ZFYVE9: variants seen among roughly 807,000 people sequenced by gnomAD.
ZFYVE9 encodes zinc finger FYVE domain-containing protein 9.
In ZFYVE9, 43 loss-of-function variants were observed where a neutral mutation model predicts 126.7. That is an observed-to-expected ratio of 0.34 (90% CI 0.27 to 0.44). The LOEUF is 0.44. Ranked by LOEUF, ZFYVE9 falls within the 20% of genes least tolerant of loss-of-function variation. ZFYVE9 has a pLI of 1.00. For missense variants in ZFYVE9, 1,476 were observed against 1,697.0 expected (o/e 0.87, Z 2.29); for synonymous variants, 521 against 597.4 (o/e 0.87, Z 1.87).
At chr1:52,319,073 G>C (rs572993076) in intron 13 of ZFYVE9, among the ~76,000 whole-genome samples, 1 of 152,204 alleles carries the variant, frequency 6.6e-6, no homozygotes, top group Non-Finnish European at 1.5e-5. Flanking sequence ...CTTCACTCTG[G>C]GTGACAGAGT....
chr1:52,154,366 A>G (rs946307892), intron 1 of ZFYVE9, among the ~76,000 whole-genome samples: 2 of 152,094 alleles, frequency 1.3e-5, no homozygotes, highest in African/African-American at 2.4e-5. Context: ...CATAGGTTGG[A>G]TGTTCAGAGT....
Position 52,240,992 on chromosome 1 carries a change from T to A in ZFYVE9, c.2178+1397T>A, listed in dbSNP as rs180844. 9.1e-3 allele frequency among the ~76,000 whole-genome samples: 1,383 copies of A among 152,288 alleles called. 19 individuals are homozygous for A. Among genetic ancestry groups the A allele is most frequent in the African/African-American group, 0.032 (1,318 of 41,558 alleles). On this transcript the variant is annotated intron_variant, in intron 4 of 18. Transcript: ENST00000287727. ...AGGATGAGTAAGTCTAGACGTCTAA[T>A]GTACTACATGAGGACTATGCATAAT...
At chr1:52,299,931 G>T (rs1646016745) in intron 12 of ZFYVE9, among the ~76,000 whole-genome samples, 1 of 152,222 alleles carries the variant, frequency 6.6e-6, no homozygotes, top group South Asian at 2.1e-4. Context: ...CTACAAACTG[G>T]ATTCAGGGTT....
intron 13 of ZFYVE9, among the ~76,000 whole-genome samples, chr1:52,308,160 T>C (rs1447146753): frequency 2.0e-5 from 3 of 152,206 alleles, no homozygotes; most frequent in African/African-American, 7.2e-5. Flanking sequence ...CACTTCATAG[T>C]TGAAAAAGTA....
intron 1 of ZFYVE9, among the ~76,000 whole-genome samples, chr1:52,173,029 C>G (rs1417213447): frequency 6.6e-6 from 1 of 151,102 alleles, no homozygotes; most frequent in Non-Finnish European, 1.5e-5. Flanking sequence ...CCAGAACTTC[C>G]AACACTATGT....
rs541425572 is a variant in ZFYVE9 at position 52,251,029 on chromosome 1, G to T, written c.2178+11434G>T. ...GCTTGGCCAGTTTTCAGTCGTTTTT[G>T]TTGTTGTTGTTGTTGTTGTTGTTGT... On this transcript the variant is annotated intron_variant, in intron 4 of 18. Coordinates refer to ENST00000287727, the MANE Select transcript of ZFYVE9 (RefSeq NM_004799.4). 9.9e-4 allele frequency among the ~76,000 whole-genome samples: 88 copies of T among 88,466 alleles called. 1 individual carries two copies. The highest frequency in any genetic ancestry group is 5.2e-3 in the Middle Eastern group (1 of 194). The allele number at this position is 88,466 out of a possible 152,430, so 58.0% of individuals were successfully genotyped here. A position where few individuals can be genotyped will look rare whatever the true frequency, so the allele number is the denominator to read the frequency against.
At chr1:52,342,319 G>A (rs1361820946) in intron 17 of ZFYVE9, among the ~76,000 whole-genome samples, 3 of 138,894 alleles carry the variant, frequency 2.2e-5, no homozygotes, top group African/African-American at 5.3e-5. Context: ...AGACGGCAGT[G>A]CAGTGGCGCA....
chr1:52,336,409 G>A (rs1344113744), intron 15 of ZFYVE9, among the ~76,000 whole-genome samples: 1 of 139,506 alleles, frequency 7.2e-6, no homozygotes, highest in Non-Finnish European at 1.5e-5. Flanking sequence ...TTGTAGCCCA[G>A]GCTGGAGTAC....
chr1:52,143,165 C>T (rs943586869), intron 1 of ZFYVE9, among the ~76,000 whole-genome samples: 3 of 152,152 alleles, frequency 2.0e-5, no homozygotes, highest in African/African-American at 7.2e-5. Flanking sequence ...TATTTTTATG[C>T]TTCAGTGTTC....
chr1:52,199,977 C>T (rs764097841), intron 1 of ZFYVE9, among the ~76,000 whole-genome samples: 43 of 149,016 alleles, frequency 2.9e-4, no homozygotes, highest in Non-Finnish European at 5.6e-4. Flanking sequence ...ATCTGTGTAC[C>T]TTCTTTGGTG....
chr1:52,230,345 T>TGCAGTGC (rs1354648802), intron 2 of ZFYVE9, among the ~76,000 whole-genome samples: 4 of 151,920 alleles, frequency 2.6e-5, no homozygotes, highest in South Asian at 4.2e-4. Context: ...CCTCCCAGTG[T>TGCAGTGC]GCAGTGCGCA....
At chr1:52,198,885 A>G (rs527939415) in intron 1 of ZFYVE9, among the ~76,000 whole-genome samples, 179 of 152,272 alleles carry the variant, frequency 1.2e-3, no homozygotes, top group African/African-American at 4.2e-3. Flanking sequence ...TGGATACATC[A>G]TTATCACCCA....
At chr1:52,230,549 T>C (rs1238955407) in intron 2 of ZFYVE9, among the ~76,000 whole-genome samples, 3 of 151,262 alleles carry the variant, frequency 2.0e-5, no homozygotes, top group East Asian at 1.9e-4. Context: ...AAAGAATCAG[T>C]TGGAAAAGGG....
At position 52,237,569 on chromosome 1, in the gene ZFYVE9, C is replaced by T; in HGVS notation, c.152C>T (p.Pro51Leu). ...CCTTCTCACCGGCTGTCATTTAACC[C>T]TACTTTGGCCAGTGTGAATGAATCT... ...DPPSHRLSFNPTLASVNESAV... is the reference protein window; with the variant it reads ...DPPSHRLSFNLTLASVNESAV... The change falls in exon 4 of 19, where the codon CCT becomes CTT. Residue 51 changes from proline (P) to leucine (L), a missense_variant. Physicochemically the swap from Pro to Leu is moderately conservative, Grantham distance 98. Coordinates refer to ENST00000287727, the MANE Select transcript of ZFYVE9 (RefSeq NM_004799.4). The T allele has an allele frequency of 1.9e-6, 3 of 1,613,994 alleles. No homozygotes were observed. The highest frequency in any genetic ancestry group is 2.5e-6 in the Non-Finnish European group (3 of 1,179,918).
chr1:52,197,053 A>C (rs1334619568), intron 1 of ZFYVE9, among the ~76,000 whole-genome samples: 1 of 152,236 alleles, frequency 6.6e-6, no homozygotes, highest in Non-Finnish European at 1.5e-5. Flanking sequence ...TAAGTTTAAC[A>C]GCTGAATGGA....
chr1:52,312,836 TG>T (rs1646150670), intron 13 of ZFYVE9, among the ~76,000 whole-genome samples: 1 of 152,234 alleles, frequency 6.6e-6, no homozygotes, highest in South Asian at 2.1e-4. Context: ...GATTGAATTG[TG>T]TCCCTCTAAA....
chr1:52,228,670 C>G (rs971191204), intron 2 of ZFYVE9, among the ~76,000 whole-genome samples: 5 of 152,134 alleles, frequency 3.3e-5, no homozygotes, highest in African/African-American at 1.2e-4. Flanking sequence ...GGGCATTCCC[C>G]TACAAAATCA....
At chr1:52,270,299 T>C (rs901647386) in intron 7 of ZFYVE9, among the ~76,000 whole-genome samples, 1 of 152,246 alleles carries the variant, frequency 6.6e-6, no homozygotes, top group Non-Finnish European at 1.5e-5. Context: ...AGTCTTGCTC[T>C]GTCGCCCAGG....
intron 1 of ZFYVE9, among the ~76,000 whole-genome samples, chr1:52,182,558 T>C (rs577164016): frequency 6.6e-5 from 10 of 151,962 alleles, no homozygotes; most frequent in East Asian, 3.9e-4. Flanking sequence ...GCAGCATGCT[T>C]GTTAAGAGTC....
Sources: gnomAD v4.1 joint callset for allele counts (sites outside exome capture counted in the v4.1 genomes callset) on GRCh38, gnomAD v4.1.1 for gene constraint, MANE v1.5 for transcripts, NCBI Gene and HGNC (gene_info 2026-07-23, HGNC 2026-07-21) for gene names.